Variants in THSD7B observed in about 807,000 individuals in gnomAD.
The protein encoded by THSD7B is thrombospondin type-1 domain-containing protein 7B.
In THSD7B, 138 loss-of-function variants were observed where a neutral mutation model predicts 213.6. The ratio of observed to expected loss-of-function variants is 0.65; its 90% confidence interval spans 0.56 to 0.74. The LOEUF is 0.74. Among genes scored for constraint, THSD7B ranks in the 30% least tolerant of loss-of-function variants. THSD7B has a pLI of 0.00. For synonymous variants in THSD7B, 742 were observed against 687.0 expected (o/e 1.08, Z -1.25); for missense variants, 1,931 against 1,991.5 (o/e 0.97, Z 0.58).
At chr2:137,579,584 T>A (rs1384613595) in intron 17 of THSD7B, among the ~76,000 whole-genome samples, 4 of 152,172 alleles carry the variant, frequency 2.6e-5, no homozygotes, top group Admixed American at 6.5e-5. Context: ...AGAACCCTAA[T>A]ATAGACGGGT....
chr2:137,365,160 A>T (rs947915947), intron 12 of THSD7B, among the ~76,000 whole-genome samples: 1 of 152,238 alleles, frequency 6.6e-6, no homozygotes, highest in East Asian at 1.9e-4. Context: ...CTATTCAATA[A>T]ACGGTGCTGG....
chr2:137,095,235 T>A, intron 4 of THSD7B, 114 bp downstream of exon 4: 1 of 1,391,896 alleles, frequency 7.2e-7, no homozygotes, highest in Non-Finnish European at 9.7e-7. Context: ...TCACTCAGTA[T>A]ACAAGTTCCA....
chr2:137,295,984 G>A (rs1406100875), intron 12 of THSD7B, among the ~76,000 whole-genome samples: 2 of 151,986 alleles, frequency 1.3e-5, no homozygotes, highest in African/African-American at 2.4e-5. Flanking sequence ...TTTGTTTTAT[G>A]GTAGATATTT....
chr2:136,980,507 C>T (rs1685556414), intron 2 of THSD7B, among the ~76,000 whole-genome samples: 1 of 152,134 alleles, frequency 6.6e-6, no homozygotes, highest in Admixed American at 6.5e-5. Context: ...CTGGGTCCCA[C>T]CTAAAGAAGC....
intron 4 of THSD7B, among the ~76,000 whole-genome samples, chr2:137,103,533 G>A (rs188928735): frequency 6.6e-5 from 10 of 151,998 alleles, no homozygotes; most frequent in East Asian, 1.9e-4. Flanking sequence ...ATACATAACC[G>A]TATTAACCTT....
intron 12 of THSD7B, among the ~76,000 whole-genome samples, chr2:137,341,668 C>G (rs1308587028): frequency 1.3e-5 from 2 of 151,520 alleles, no homozygotes; most frequent in Non-Finnish European, 3.0e-5. Flanking sequence ...TTAAGGTCCA[C>G]TTTCATTCTT....
chr2:137,451,323 T>C (rs1173250559), intron 15 of THSD7B, among the ~76,000 whole-genome samples: 1 of 151,632 alleles, frequency 6.6e-6, no homozygotes, highest in Admixed American at 6.6e-5. Context: ...GTTGGATATA[T>C]ATATGTGTGT....
At chr2:137,184,766 G>C (rs1377891928) in intron 7 of THSD7B, among the ~76,000 whole-genome samples, 1 of 152,062 alleles carries the variant, frequency 6.6e-6, no homozygotes, top group East Asian at 1.9e-4. Context: ...GAGATCCAGA[G>C]GCAAGGCAAA....
At chr2:137,108,532 C>G (rs1688294910) in intron 4 of THSD7B, among the ~76,000 whole-genome samples, 1 of 152,092 alleles carries the variant, frequency 6.6e-6, no homozygotes, top group African/African-American at 2.4e-5. Flanking sequence ...GGAAGTCAAG[C>G]CAGCCACTTG....
Position 136,786,725 on chromosome 2 carries a change from A to G in THSD7B, c.-36+21038A>G, listed in dbSNP as rs193275812. Among the ~76,000 whole-genome samples the G allele has an allele frequency of 4.9e-4, 74 of 152,232 alleles. 1 individual carries two copies. The highest frequency in any genetic ancestry group is 3.4e-3 in the Middle Eastern group (1 of 294). On this transcript the variant is annotated intron_variant, in intron 1 of 27. Transcript: ENST00000409968. ...TTAAAACGATGACACTGGTATTTCCATTGTGCAGTTACGTGTTTCCCCTTC... is the reference window on the plus strand; with the variant it reads ...TTAAAACGATGACACTGGTATTTCCGTTGTGCAGTTACGTGTTTCCCCTTC...
At chr2:137,156,295 T>C (rs1679908120) in intron 5 of THSD7B, 1 of 152,168 alleles carries the variant, frequency 6.6e-6, no homozygotes, top group South Asian at 2.1e-4. Flanking sequence ...AGCACATTGA[T>C]TCAGTGTCTA....
At chr2:137,570,533 C>A (rs1251217773) in intron 16 of THSD7B, among the ~76,000 whole-genome samples, 1 of 152,114 alleles carries the variant, frequency 6.6e-6, no homozygotes, top group Non-Finnish European at 1.5e-5. Flanking sequence ...TGGTCTCAAT[C>A]TCTTTTTCTG....
At chr2:136,932,902 C>G (rs950784474) in intron 2 of THSD7B, among the ~76,000 whole-genome samples, 1 of 152,038 alleles carries the variant, frequency 6.6e-6, no homozygotes, top group Admixed American at 6.6e-5. Context: ...TTCAGGCCAC[C>G]AGGAGGAGGT....
chr2:136,865,798 C>T (rs976103025), intron 1 of THSD7B, among the ~76,000 whole-genome samples: 4 of 152,128 alleles, frequency 2.6e-5, no homozygotes, highest in African/African-American at 9.7e-5. Flanking sequence ...GTTCATTGAT[C>T]CTCTATCATA....
chr2:136,984,946 C>T (rs1351477690), intron 2 of THSD7B, among the ~76,000 whole-genome samples: 1 of 152,050 alleles, frequency 6.6e-6, no homozygotes, highest in Non-Finnish European at 1.5e-5. Context: ...TGTGTTTGTG[C>T]CCTAGGGATC....
intron 15 of THSD7B, among the ~76,000 whole-genome samples, chr2:137,560,523 G>T (rs1306626401): frequency 6.6e-6 from 1 of 152,022 alleles, no homozygotes; most frequent in Non-Finnish European, 1.5e-5. Context: ...GAGAACACAT[G>T]GACACAGGAG....
chr2:137,617,138 G>T (rs887953925), intron 18 of THSD7B, among the ~76,000 whole-genome samples: 3 of 152,202 alleles, frequency 2.0e-5, no homozygotes, highest in African/African-American at 7.2e-5. Context: ...CGTGGGTAAA[G>T]ATGACCTGGT....
At chr2:137,011,978 TA>T (rs1383408281) in intron 2 of THSD7B, among the ~76,000 whole-genome samples, 1 of 152,182 alleles carries the variant, frequency 6.6e-6, no homozygotes, top group African/African-American at 2.4e-5. Flanking sequence ...ATAGACCACA[TA>T]AAAAATACGT....
chr2:137,620,374 A>G (rs574438648), intron 19 of THSD7B, among the ~76,000 whole-genome samples: 3 of 152,228 alleles, frequency 2.0e-5, no homozygotes, highest in Admixed American at 2.0e-4. Context: ...CTGGCAGCCT[A>G]ATAGAGTTTA....
Sources: allele counts gnomAD v4.1 joint callset (sites outside exome capture counted in the v4.1 genomes callset), GRCh38; gene constraint gnomAD v4.1.1; transcripts MANE v1.5; gene names NCBI Gene and HGNC (gene_info 2026-07-23, HGNC 2026-07-21).